The following RAPGEF2 variants were observed in gnomAD, a reference collection of about 807,000 sequenced individuals.
RAPGEF2 encodes the protein PDZ domain containing guanine nucleotide exchange factor (GEF) 1.
RAPGEF2 carries 54 observed loss-of-function variants against 186.7 expected under a neutral mutation model. The ratio of observed to expected loss-of-function variants is 0.29; its 90% CI spans 0.23 to 0.36. RAPGEF2 has a LOEUF of 0.36. RAPGEF2 is among the 10% of genes least tolerant of loss of function. The pLI is 1.00. For missense variants in RAPGEF2, 1,532 were observed against 2,045.0 expected (o/e 0.75, Z 4.84); for synonymous variants, 712 against 705.9 (o/e 1.01, Z -0.14).
rs956620551 is a variant in RAPGEF2, at chr4:159,181,394, G to A, written c.70-5248G>A. On this transcript the variant is annotated intron_variant, in intron 1 of 29. Transcript: ENST00000691494. ...TTTTCCAGATACACTTTTCTGGTCAGTGTGAATTTATTTGCTTGATGGTTA... is the reference window on the plus strand; with the variant it reads ...TTTTCCAGATACACTTTTCTGGTCAATGTGAATTTATTTGCTTGATGGTTA... Among the ~76,000 whole-genome samples the A allele has an allele frequency of 2.6e-5, 4 of 152,160 alleles. No homozygotes were observed. The East Asian group carries it at 5.8e-4, about 22-fold the overall frequency.
intron 9 of RAPGEF2, among the ~76,000 whole-genome samples, chr4:159,320,191 C>T (rs749298875): frequency 6.6e-6 from 1 of 152,118 alleles, no homozygotes; most frequent in Non-Finnish European, 1.5e-5. Context: ...GCAGAATTAA[C>T]TGGGATGTGC....
intron 3 of RAPGEF2, among the ~76,000 whole-genome samples, chr4:159,207,077 TTGAA>T (rs1232088544): frequency 6.6e-6 from 1 of 152,260 alleles, no homozygotes; most frequent in Non-Finnish European, 1.5e-5. Flanking sequence ...TAAATGTTGA[TTGAA>T]TGGTCATTCT....
In RAPGEF2 at chr4:159,168,639, A is replaced by G. The variant is rs193081449; in HGVS notation, c.70-18003A>G. ...TTATTGAACTGTCATAAATTTAAAT[A>G]GTAAAAGGGTATACTTTGAAAACGA... On this transcript the variant is annotated intron_variant, in intron 1 of 29. Transcript: ENST00000691494. Among the ~76,000 whole-genome samples the G allele has an allele frequency of 3.5e-4, 54 of 152,324 alleles. 2 individuals are homozygous for G. In the East Asian group the frequency reaches 9.1e-3, roughly 26 times the overall value.
At chr4:159,314,992 GTAAACCCTTTCCACA>G (rs1309597129) in intron 9 of RAPGEF2, among the ~76,000 whole-genome samples, 1 of 151,408 alleles carries the variant, frequency 6.6e-6, no homozygotes, top group Non-Finnish European at 1.5e-5. Context: ...AAACTTCTTA[GTAAACCCTTTCCACA>G]TAAACCCTTT....
intron 7 of RAPGEF2, chr4:159,282,588 C>T: frequency 2.3e-6 from 1 of 443,476 alleles, no homozygotes; most frequent in Non-Finnish European, 4.5e-6. Context: ...TACACCAAGT[C>T]TTAATTTAAA....
At chr4:159,139,913 T>C (rs1208359579) in intron 1 of RAPGEF2, among the ~76,000 whole-genome samples, 1 of 152,172 alleles carries the variant, frequency 6.6e-6, no homozygotes, top group Non-Finnish European at 1.5e-5. Context: ...AGACATCCAG[T>C]AAACAGGAAT....
chr4:159,221,204 G>C (rs1427276924), intron 4 of RAPGEF2, among the ~76,000 whole-genome samples: 2 of 152,208 alleles, frequency 1.3e-5, no homozygotes, highest in Admixed American at 6.5e-5. Flanking sequence ...AAAGGACCCT[G>C]GGAGTGGATG....
intron 1 of RAPGEF2, among the ~76,000 whole-genome samples, chr4:159,132,004 G>T (rs1413257896): frequency 6.6e-6 from 1 of 152,086 alleles, no homozygotes; most frequent in Non-Finnish European, 1.5e-5. Flanking sequence ...TATATTGTTT[G>T]AAACTATCAA....
intron 3 of RAPGEF2, among the ~76,000 whole-genome samples, chr4:159,198,376 T>TTTCC (rs70962661): frequency 0.29 from 36,277 of 125,396 alleles, 7,504 homozygotes; most frequent in Non-Finnish European, 0.34. Context: ...TTTTTCTTTC[T>TTTCC]TTCCTTCCTT....
chr4:159,199,495 A>T (rs1449469576), intron 3 of RAPGEF2, among the ~76,000 whole-genome samples: 1 of 151,530 alleles, frequency 6.6e-6, no homozygotes, highest in East Asian at 1.9e-4. Flanking sequence ...TTCTCTATTC[A>T]AAAGAAGGAA....
At chr4:159,344,345 G>A (rs146762113) in intron 23 of RAPGEF2, among the ~76,000 whole-genome samples, 1 of 152,200 alleles carries the variant, frequency 6.6e-6, no homozygotes, top group African/African-American at 2.4e-5. Flanking sequence ...CATATAATTG[G>A]TGTGTCTCGA....
chr4:159,322,774 GGCA>G (rs1283482596), intron 10 of RAPGEF2, among the ~76,000 whole-genome samples: 28 of 152,134 alleles, frequency 1.8e-4, no homozygotes, highest in African/African-American at 6.8e-4. Context: ...CTTCTTACAT[GGCA>G]GTGGCAAGAG....
intron 7 of RAPGEF2, among the ~76,000 whole-genome samples, chr4:159,254,425 G>A (rs954302934): frequency 6.6e-6 from 1 of 152,088 alleles, no homozygotes; most frequent in Non-Finnish European, 1.5e-5. Context: ...CATACTTTGT[G>A]AACTAGTCTC....
In RAPGEF2 at chr4:159,305,293, C is replaced by T. The variant is rs184023756; in HGVS notation, c.675+820C>T. The stretch of plus-strand genomic sequence containing the variant: ...CAAGAGATTGTACTAGTTTACATTC[C>T]CACCAGCTGCATATAAGTGTTCTCT... On this transcript the variant is annotated intron_variant, in intron 8 of 29. Transcript: ENST00000691494. Among the ~76,000 whole-genome samples the T allele has an allele frequency of 1.1e-4, 17 of 152,222 alleles. No homozygotes were observed. The East Asian group carries it at 2.1e-3, about 19-fold the overall frequency.
At chr4:159,226,804 G>C (rs896414017) in intron 4 of RAPGEF2, among the ~76,000 whole-genome samples, 2 of 152,172 alleles carry the variant, frequency 1.3e-5, no homozygotes, top group Non-Finnish European at 2.9e-5. Flanking sequence ...AATATTGCCA[G>C]TGTTAGTTAT....
chr4:159,247,938 T>C (rs956199548), intron 7 of RAPGEF2, among the ~76,000 whole-genome samples: 2 of 151,862 alleles, frequency 1.3e-5, no homozygotes, highest in African/African-American at 4.8e-5. Context: ...AATTTTGTAT[T>C]TTTAGTAGAG....
chr4:159,289,990 A>C (rs1760983419), intron 7 of RAPGEF2, among the ~76,000 whole-genome samples: 1 of 152,184 alleles, frequency 6.6e-6, no homozygotes, highest in Non-Finnish European at 1.5e-5. Flanking sequence ...TTAGGAATAT[A>C]ACTTTTTCCA....
chr4:159,327,469 CT>C (rs1766081324), intron 11 of RAPGEF2: 1 of 152,122 alleles, frequency 6.6e-6, no homozygotes, highest in East Asian at 1.9e-4. Flanking sequence ...CGAGACCAGC[CT>C]GGTGAAATCC....
chr4:159,302,579 A>G (rs1051600927), intron 7 of RAPGEF2, among the ~76,000 whole-genome samples: 1 of 152,136 alleles, frequency 6.6e-6, no homozygotes, highest in African/African-American at 2.4e-5. Flanking sequence ...TCTGATCACC[A>G]TTTAGCTATG....
Sources: gnomAD v4.1 joint callset for allele counts (sites outside exome capture counted in the v4.1 genomes callset) on GRCh38, gnomAD v4.1.1 for gene constraint, MANE v1.5 for transcripts, NCBI Gene and HGNC (gene_info 2026-07-23, HGNC 2026-07-21) for gene names.